ZBBX: variants seen among roughly 807,000 people sequenced by gnomAD.
The protein encoded by ZBBX is zinc finger B-box domain containing.
In ZBBX, 101 loss-of-function variants were observed where a neutral mutation model predicts 108.5. The observed-to-expected ratio is 0.93, with a 90% CI of 0.79 to 1.10. The LOEUF (loss-of-function observed/expected upper bound fraction) is 1.10. Ranked by LOEUF, ZBBX falls within the 50% of genes least tolerant of loss-of-function variation. The pLI is 0.00. For missense variants in ZBBX, 1,009 were observed against 941.4 expected (o/e 1.07, Z -0.94); for synonymous variants, 356 against 323.4 (o/e 1.10, Z -1.08).
chr3:167,218,052 C>T, the ZBBX span, among the ~76,000 whole-genome samples: 3 of 152,024 alleles, frequency 2.0e-5, no homozygotes, highest in Non-Finnish European at 2.9e-5. Flanking sequence ...CCCTTTCTCA[C>T]TTTCAAGTGG....
intron 1 of ZBBX, among the ~76,000 whole-genome samples, chr3:167,385,722 T>G (rs1243727550): frequency 6.6e-6 from 1 of 151,840 alleles, no homozygotes; most frequent in Non-Finnish European, 1.5e-5. Flanking sequence ...ACACATGTAT[T>G]ACCCAAGCCC....
At chr3:167,338,094 A>G (rs2108429410) in intron 9 of ZBBX, among the ~76,000 whole-genome samples, 1 of 152,174 alleles carries the variant, frequency 6.6e-6, no homozygotes, top group South Asian at 2.1e-4. Context: ...CATATATCTC[A>G]CTCTAGGATA....
At chr3:167,292,748 C>T (rs980400567) in intron 18 of ZBBX, among the ~76,000 whole-genome samples, 11 of 151,872 alleles carry the variant, frequency 7.2e-5, no homozygotes, top group African/African-American at 2.7e-4. Context: ...TTCAAAAAAC[C>T]AATGAATCCA....
At chr3:167,301,684 G>A (rs1215672646) in intron 17 of ZBBX, among the ~76,000 whole-genome samples, 2 of 151,972 alleles carry the variant, frequency 1.3e-5, no homozygotes, top group South Asian at 4.1e-4. Flanking sequence ...TTGGACGGGC[G>A]CAGTGGCTCA....
At chr3:167,346,227 C>T (rs1317777065) in intron 9 of ZBBX, among the ~76,000 whole-genome samples, 1 of 150,386 alleles carries the variant, frequency 6.6e-6, no homozygotes, top group Non-Finnish European at 1.5e-5. Flanking sequence ...GCCTCTCATG[C>T]ATTTATGCCT....
downstream of ZBBX, among the ~76,000 whole-genome samples, chr3:167,236,944 G>A (rs1345065809): frequency 2.0e-5 from 3 of 151,792 alleles, no homozygotes; most frequent in East Asian, 5.8e-4. Context: ...TTAGATAAAT[G>A]CTCTTTGAGA....
the ZBBX span, among the ~76,000 whole-genome samples, chr3:167,223,228 G>C: frequency 9.2e-5 from 14 of 151,766 alleles, no homozygotes; most frequent in South Asian, 1.5e-3. Context: ...ACCGATTTCT[G>C]GCCTTTTGCT....
chr3:167,300,607 C>T (rs1281949576), intron 17 of ZBBX, among the ~76,000 whole-genome samples: 1 of 149,346 alleles, frequency 6.7e-6, no homozygotes, highest in Non-Finnish European at 1.5e-5. Context: ...CCCCCACCAA[C>T]CCTTTTTTTT....
the ZBBX span, among the ~76,000 whole-genome samples, chr3:167,226,812 A>G: frequency 6.6e-6 from 1 of 151,742 alleles, no homozygotes; most frequent in Non-Finnish European, 1.5e-5. Context: ...AACCAAAGAA[A>G]TATGAATGGA....
At chr3:167,393,356 C>A (rs149398612) in intron 1 of ZBBX, among the ~76,000 whole-genome samples, 13 of 151,806 alleles carry the variant, frequency 8.6e-5, no homozygotes, top group African/African-American at 2.4e-4. Context: ...GCATCTTAAC[C>A]AATTCATGAG....
At chr3:167,311,756 G>A (rs1343381820) in intron 16 of ZBBX, among the ~76,000 whole-genome samples, 2 of 152,088 alleles carry the variant, frequency 1.3e-5, no homozygotes, top group African/African-American at 2.4e-5. Context: ...TTGCTAGAAT[G>A]GAAAAATTCT....
At chr3:167,373,892 A>G (rs1746546073) in intron 2 of ZBBX, 105 bp from the exon 3 acceptor site, 1 of 152,138 alleles carries the variant, frequency 6.6e-6, no homozygotes, top group African/African-American at 2.4e-5. Flanking sequence ...ATTATTTATA[A>G]GTGGATCTGC....
intron 20 of ZBBX, among the ~76,000 whole-genome samples, chr3:167,243,166 A>G (rs1720970876): frequency 6.6e-6 from 1 of 152,370 alleles, no homozygotes; most frequent in Middle Eastern, 3.4e-3. Context: ...AAGCTGGCTT[A>G]TGATTTAGCC....
At chr3:167,378,947 T>C (rs976519948) in intron 2 of ZBBX, among the ~76,000 whole-genome samples, 3 of 152,220 alleles carry the variant, frequency 2.0e-5, no homozygotes, top group Admixed American at 6.5e-5. Context: ...TTTGTTTATA[T>C]AGATTTTGTT....
intron 10 of ZBBX, among the ~76,000 whole-genome samples, chr3:167,332,071 T>C (rs1010833338): frequency 6.6e-6 from 1 of 152,090 alleles, no homozygotes. Flanking sequence ...TTTTTAAAAA[T>C]CCAAATTTGG....
chr3:167,245,984 G>T (rs545331790), intron 20 of ZBBX, among the ~76,000 whole-genome samples: 4 of 152,246 alleles, frequency 2.6e-5, no homozygotes, highest in African/African-American at 9.6e-5. Flanking sequence ...GAGTAGCTTT[G>T]CCTGGGGTTG....
chr3:167,290,055 A>C (rs931264466), intron 18 of ZBBX, among the ~76,000 whole-genome samples: 1 of 152,188 alleles, frequency 6.6e-6, no homozygotes, highest in Non-Finnish European at 1.5e-5. Context: ...CCTGAAAAAA[A>C]GGCAGAAGCC....
chr3:167,378,238 C>G (rs892346297), intron 2 of ZBBX, among the ~76,000 whole-genome samples: 5 of 152,266 alleles, frequency 3.3e-5, no homozygotes, highest in Admixed American at 3.3e-4. Context: ...AACAAGATAT[C>G]TGATAGTAAA....
intron 8 of ZBBX, among the ~76,000 whole-genome samples, chr3:167,359,155 T>G (rs1744105293): frequency 1.3e-5 from 2 of 152,032 alleles, no homozygotes; most frequent in Admixed American, 6.6e-5. Flanking sequence ...ACCAATAAAT[T>G]TAACATGGAT....
Sources: gnomAD v4.1 joint callset for allele counts (sites outside exome capture counted in the v4.1 genomes callset) on GRCh38, gnomAD v4.1.1 for gene constraint, MANE v1.5 for transcripts, NCBI Gene and HGNC (gene_info 2026-07-23, HGNC 2026-07-21) for gene names.